Variants in ACOXL observed in about 807,000 individuals in gnomAD.
ACOXL encodes acyl-coenzyme A oxidase-like protein.
Under a neutral mutation model 71.9 loss-of-function variants are expected in ACOXL, and 70 were observed. That is an observed-to-expected ratio of 0.97 (90% confidence interval 0.80 to 1.19). The LOEUF is 1.19. ACOXL is among the 50% of genes most tolerant of loss of function. The pLI is 0.00. For synonymous variants in ACOXL, 253 were observed against 281.6 expected (o/e 0.90, Z 1.02); for missense variants, 703 against 736.3 (o/e 0.95, Z 0.52).
chr2:110,932,292 G>T (rs2060503215), intron 11 of ACOXL, among the ~76,000 whole-genome samples: 1 of 152,142 alleles, frequency 6.6e-6, no homozygotes, highest in Admixed American at 6.5e-5. Flanking sequence ...AAGACATGAG[G>T]CATTTTGTTC....
At chr2:111,052,081 C>T (rs895136957) in intron 16 of ACOXL, among the ~76,000 whole-genome samples, 4 of 152,112 alleles carry the variant, frequency 2.6e-5, no homozygotes, top group Non-Finnish European at 5.9e-5. Flanking sequence ...GGTCAGATTC[C>T]CCTGCAAAGA....
At chr2:110,821,549 C>G (rs980862543) in intron 9 of ACOXL, among the ~76,000 whole-genome samples, 1 of 152,166 alleles carries the variant, frequency 6.6e-6, no homozygotes, top group Non-Finnish European at 1.5e-5. Context: ...GTGCCCTGTC[C>G]ATCTCTTCAC....
chr2:111,014,876 A>C (rs1365953879), intron 14 of ACOXL, among the ~76,000 whole-genome samples: 4 of 152,218 alleles, frequency 2.6e-5, no homozygotes, highest in African/African-American at 9.6e-5. Context: ...TGATGAAAAG[A>C]ATTTTTTAAT....
chr2:111,052,000 G>A (rs1486552421), intron 16 of ACOXL, among the ~76,000 whole-genome samples: 1 of 152,160 alleles, frequency 6.6e-6, no homozygotes, highest in African/African-American at 2.4e-5. Flanking sequence ...CCTAACCTGA[G>A]AAGATGCTCT....
chr2:110,752,599 T>C (rs1265300015), intron 1 of ACOXL, among the ~76,000 whole-genome samples: 1 of 151,474 alleles, frequency 6.6e-6, no homozygotes, highest in Non-Finnish European at 1.5e-5. Context: ...TGGGTGTGGA[T>C]TACACAGTTG....
rs186524060 is a variant in ACOXL, at chr2:110,998,497, C to G, written c.1281+2493C>G. 7.2e-5 allele frequency among the ~76,000 whole-genome samples: 11 copies of G among 152,312 alleles called. No individual in the cohort carries two copies. In the East Asian group the frequency reaches 2.1e-3, roughly 29 times the overall value. On this transcript the variant is annotated intron_variant, in intron 14 of 17. Coordinates refer to ENST00000439055, the MANE Select transcript of ACOXL (RefSeq NM_001142807.4). ...GGCCAGGAGAGCTGTTTAAAAAGTT[C>G]CCACTGCGAATTGCGCCTTGGTTTG...
Position 110,794,188 on chromosome 2 carries a change from C to G in ACOXL, c.345+14C>G. 1 of 1,612,688 alleles carries G rather than the reference C, an allele frequency of 6.2e-7. No individual in the cohort carries two copies. The highest frequency in any genetic ancestry group is 8.5e-7 in the Non-Finnish European group (1 of 1,178,692). On this transcript the variant is annotated intron_variant, in intron 5 of 17. Coordinates refer to ENST00000439055, the MANE Select transcript of ACOXL (RefSeq NM_001142807.4). The stretch of plus-strand genomic sequence containing the variant: ...CTCTCTGCCCAGGTGAGGAATCCAT[C>G]CTTCTCCTGCCGTGCAGGGGAGCTG...
At position 110,794,064 on chromosome 2, in the gene ACOXL, G is replaced by C; in HGVS notation, c.247-12G>C. 1.2e-6 allele frequency: 2 copies of C among 1,613,678 alleles called. No individual in the cohort carries two copies. Among genetic ancestry groups the C allele is most frequent in the Non-Finnish European group, 1.7e-6 (2 of 1,179,648 alleles). ...ACCAGCTAATTCCCTTCTAACATCT[G>C]GTAAACTCCAGGAGCAGAAATACAC... is the stretch of plus-strand genomic sequence containing the variant. On this transcript the variant is annotated splice_polypyrimidine_tract_variant and intron_variant, in intron 4 of 17. Coordinates refer to ENST00000439055, the MANE Select transcript of ACOXL (RefSeq NM_001142807.4).
intron 1 of ACOXL, among the ~76,000 whole-genome samples, chr2:110,760,204 A>G (rs891552912): frequency 4.6e-5 from 7 of 150,820 alleles, no homozygotes; most frequent in Admixed American, 4.0e-4. Flanking sequence ...CAGTGGTGCA[A>G]TCTCGGCTCA....
intron 12 of ACOXL, among the ~76,000 whole-genome samples, chr2:110,947,193 T>C (rs1329795914): frequency 6.6e-6 from 1 of 152,250 alleles, no homozygotes; most frequent in Non-Finnish European, 1.5e-5. Context: ...GTTTCCCACT[T>C]TCTTGCTTTA....
intron 12 of ACOXL, among the ~76,000 whole-genome samples, chr2:110,975,131 A>G (rs2062385473): frequency 6.6e-6 from 1 of 152,264 alleles, no homozygotes. Flanking sequence ...GACCAAGCAC[A>G]TATCTGTTTT....
intron 1 of ACOXL, among the ~76,000 whole-genome samples, chr2:110,745,419 G>C (rs1318384146): frequency 6.6e-6 from 1 of 152,364 alleles, no homozygotes. Context: ...CACACCAGAA[G>C]GTGGGGGGTC....
intron 11 of ACOXL, among the ~76,000 whole-genome samples, chr2:110,916,626 T>C (rs1294889949): frequency 6.6e-6 from 1 of 152,102 alleles, no homozygotes; most frequent in African/African-American, 2.4e-5. Context: ...CAGGAGCTGG[T>C]TTTTTGAAAA....
intron 10 of ACOXL, among the ~76,000 whole-genome samples, chr2:110,902,711 G>A (rs2059288777): frequency 1.3e-5 from 2 of 152,170 alleles, no homozygotes; most frequent in Non-Finnish European, 2.9e-5. Context: ...TTCAACTGGT[G>A]GCATTAAAAA....
intron 14 of ACOXL, among the ~76,000 whole-genome samples, chr2:111,005,758 A>G (rs2063842305): frequency 6.6e-6 from 1 of 152,134 alleles, no homozygotes; most frequent in Non-Finnish European, 1.5e-5. Flanking sequence ...GCCTTGGAAG[A>G]TCACCAATAG....
At chr2:110,951,551 A>G (rs998641736) in intron 12 of ACOXL, among the ~76,000 whole-genome samples, 15 of 152,204 alleles carry the variant, frequency 9.9e-5, no homozygotes, top group African/African-American at 3.1e-4. Context: ...TGTGTTTACT[A>G]TTTCACCATT....
intron 11 of ACOXL, 132 bp from the exon 12 acceptor site, chr2:110,933,357 A>C: frequency 1.8e-6 from 2 of 1,131,328 alleles, no homozygotes; most frequent in Non-Finnish European, 2.5e-6. Context: ...GACTATCTAC[A>C]GTTTAAAATC....
chr2:110,844,482 G>A (rs1335661764), intron 10 of ACOXL, among the ~76,000 whole-genome samples: 1 of 151,876 alleles, frequency 6.6e-6, no homozygotes, highest in Non-Finnish European at 1.5e-5. Flanking sequence ...GGCCACAGGA[G>A]GACCTGATCT....
At chr2:111,052,311 G>A (rs1009414424) in intron 16 of ACOXL, among the ~76,000 whole-genome samples, 1 of 152,170 alleles carries the variant, frequency 6.6e-6, no homozygotes, top group Non-Finnish European at 1.5e-5. Context: ...CACCATGAGA[G>A]CACACACGGG....
Sources: gnomAD v4.1 joint callset for allele counts (sites outside exome capture counted in the v4.1 genomes callset) on GRCh38, gnomAD v4.1.1 for gene constraint, MANE v1.5 for transcripts, NCBI Gene and HGNC (gene_info 2026-07-23, HGNC 2026-07-21) for gene names.